TBC1D5: variants seen among roughly 807,000 people sequenced by gnomAD.
TBC1D5 encodes the protein TBC1 domain family member 5, also known as TBC1 domain family, member 5.
TBC1D5 carries 75 observed loss-of-function variants against 100.3 expected under a neutral mutation model. The ratio of observed to expected loss-of-function variants is 0.75; its 90% CI spans 0.62 to 0.91. The LOEUF (loss-of-function observed/expected upper bound fraction) is 0.91, where lower values mean the gene tolerates loss of function less well. TBC1D5 is among the 40% of genes least tolerant of loss of function. The pLI, the probability that TBC1D5 is intolerant of heterozygous loss-of-function variation, is 0.00. For synonymous variants in TBC1D5, 323 were observed against 325.6 expected (o/e 0.99, Z 0.09); for missense variants, 910 against 942.4 (o/e 0.97, Z 0.45).
At chr3:17,477,058 T>C (rs2095446185) in intron 3 of TBC1D5, among the ~76,000 whole-genome samples, 1 of 151,976 alleles carries the variant, frequency 6.6e-6, no homozygotes, top group African/African-American at 2.4e-5. Flanking sequence ...AATGTCCTTC[T>C]TCATATTAAA....
At chr3:17,279,752 T>C (rs1420071556) in intron 15 of TBC1D5, among the ~76,000 whole-genome samples, 7 of 152,216 alleles carry the variant, frequency 4.6e-5, no homozygotes, top group Admixed American at 3.3e-4. Flanking sequence ...ATAGAACAAA[T>C]ACAGAGTTCT....
At chr3:17,630,993 G>A (rs1287475869) in intron 1 of TBC1D5, among the ~76,000 whole-genome samples, 5 of 144,014 alleles carry the variant, frequency 3.5e-5, no homozygotes, top group East Asian at 2.1e-4. Flanking sequence ...GCAGTGAGCC[G>A]AGATGGCACC....
At chr3:17,267,296 T>C (rs1469445193) in intron 15 of TBC1D5, among the ~76,000 whole-genome samples, 1 of 152,200 alleles carries the variant, frequency 6.6e-6, no homozygotes, top group East Asian at 1.9e-4. Flanking sequence ...TTGTTGCTAA[T>C]ACTGGGCCTC....
chr3:17,693,417 A>G (rs546231285), intron 1 of TBC1D5, among the ~76,000 whole-genome samples: 1 of 152,330 alleles, frequency 6.6e-6, no homozygotes, highest in Non-Finnish European at 1.5e-5. Context: ...CAACCGGCAG[A>G]CAAGGAGATT....
chr3:17,693,312 G>C (rs1006498474), intron 1 of TBC1D5, among the ~76,000 whole-genome samples: 3 of 152,234 alleles, frequency 2.0e-5, no homozygotes, highest in African/African-American at 7.2e-5. Context: ...AGGGGTCAGG[G>C]ATTTCCCTTT....
At chr3:17,288,158 T>C (rs1447187187) in intron 15 of TBC1D5, among the ~76,000 whole-genome samples, 1 of 152,198 alleles carries the variant, frequency 6.6e-6, no homozygotes, top group Non-Finnish European at 1.5e-5. Context: ...TTTCCCTCTT[T>C]TTTTCCCCCT....
chr3:17,409,686 T>C (rs2093870402), intron 4 of TBC1D5, among the ~76,000 whole-genome samples: 2 of 152,112 alleles, frequency 1.3e-5, no homozygotes, highest in Admixed American at 1.3e-4. Context: ...CAGAGAAAGT[T>C]TGAATGGTCT....
chr3:17,160,821 T>G, exon 22 of TBC1D5: 1 of 1,119,980 alleles, frequency 8.9e-7, no homozygotes, highest in Non-Finnish European at 1.2e-6. Context: ...TCTAAGGGGT[T>G]TCAAAGGGCT....
chr3:17,455,364 GTATA>G (rs895059381), intron 3 of TBC1D5, among the ~76,000 whole-genome samples: 1 of 145,400 alleles, frequency 6.9e-6, no homozygotes, highest in Non-Finnish European at 1.5e-5. Flanking sequence ...GTATATGTGT[GTATA>G]TATATGTATA....
intron 1 of TBC1D5, among the ~76,000 whole-genome samples, chr3:17,714,850 A>G (rs2075085317): frequency 6.6e-6 from 1 of 152,168 alleles, no homozygotes; most frequent in African/African-American, 2.4e-5. Flanking sequence ...GAAGAAACAG[A>G]ACCTAACCTG....
At chr3:17,367,315 G>A (rs2092206568) in intron 13 of TBC1D5, among the ~76,000 whole-genome samples, 1 of 152,206 alleles carries the variant, frequency 6.6e-6, no homozygotes, top group African/African-American at 2.4e-5. Flanking sequence ...ATCAGTGATA[G>A]AATTGTAACG....
intron 2 of TBC1D5, among the ~76,000 whole-genome samples, chr3:17,546,633 G>A (rs927270975): frequency 1.3e-5 from 2 of 151,592 alleles, no homozygotes; most frequent in Admixed American, 6.6e-5. Context: ...ACCGGGCATG[G>A]CGGCATGAAC....
chr3:17,408,211 T>C (rs1193435544), intron 4 of TBC1D5, among the ~76,000 whole-genome samples: 1 of 150,860 alleles, frequency 6.6e-6, no homozygotes, highest in Non-Finnish European at 1.5e-5. Context: ...ACAATCTACT[T>C]AAAGGAATTA....
intron 17 of TBC1D5, 127 bp downstream of exon 18, chr3:17,233,558 A>C: frequency 1.7e-6 from 1 of 576,956 alleles, no homozygotes; most frequent in Non-Finnish European, 3.1e-6. Flanking sequence ...CAGTGGCTGA[A>C]CAATGGTAGT....
intron 13 of TBC1D5, among the ~76,000 whole-genome samples, chr3:17,328,567 A>G (rs991320130): frequency 2.0e-5 from 3 of 152,180 alleles, no homozygotes; most frequent in African/African-American, 7.2e-5. Context: ...CCTAACTTAC[A>G]ATACAGTATT....
intron 2 of TBC1D5, among the ~76,000 whole-genome samples, chr3:17,596,506 G>C (rs893079064): frequency 6.6e-6 from 1 of 150,924 alleles, no homozygotes; most frequent in Non-Finnish European, 1.5e-5. Flanking sequence ...TTTTAGTAGA[G>C]ACAGGGTTTC....
chr3:17,361,953 G>T (rs771214805), intron 13 of TBC1D5, among the ~76,000 whole-genome samples: 1 of 152,022 alleles, frequency 6.6e-6, no homozygotes, highest in Non-Finnish European at 1.5e-5. Context: ...CCTAAAACTG[G>T]TTCTTTGAAA....
chr3:17,288,412 C>T (rs1412704051), intron 15 of TBC1D5, among the ~76,000 whole-genome samples: 2 of 152,162 alleles, frequency 1.3e-5, no homozygotes, highest in Non-Finnish European at 2.9e-5. Flanking sequence ...AGCCTAGCTA[C>T]AAGTCCCGGG....
intron 2 of TBC1D5, among the ~76,000 whole-genome samples, chr3:17,584,733 T>G (rs1183551532): frequency 6.6e-6 from 1 of 152,238 alleles, no homozygotes; most frequent in South Asian, 2.1e-4. Flanking sequence ...CTCGGCTCAC[T>G]GCAACCTCCA....
Sources: allele counts gnomAD v4.1 joint callset (sites outside exome capture counted in the v4.1 genomes callset), GRCh38; gene constraint gnomAD v4.1.1; transcripts MANE v1.5; gene names NCBI Gene and HGNC (gene_info 2026-07-23, HGNC 2026-07-21).